The following CADM2 variants were observed in gnomAD, a reference collection of about 807,000 sequenced individuals.
CADM2 encodes the protein immunoglobulin superfamily member 4D.
A neutral mutation model predicts 49.8 loss-of-function variants in CADM2; 12 were observed. That is an observed-to-expected ratio of 0.24 (90% CI 0.15 to 0.39). The LOEUF (loss-of-function observed/expected upper bound fraction) is 0.39, where lower values mean the gene tolerates loss of function less well. Ranked by LOEUF, CADM2 falls within the 10% of genes least tolerant of loss-of-function variation. CADM2 has a pLI of 1.00. For synonymous variants in CADM2, 214 were observed against 175.4 expected (o/e 1.22, Z -1.74); for missense variants, 378 against 492.3 (o/e 0.77, Z 2.20).
At chr3:85,749,197 CAAG>C (rs2068756085) in intron 2 of CADM2, among the ~76,000 whole-genome samples, 1 of 151,596 alleles carries the variant, frequency 6.6e-6, no homozygotes, top group Non-Finnish European at 1.5e-5. Flanking sequence ...CAAACAATGG[CAAG>C]AACAACAACA....
chr3:85,487,774 G>A (rs1465957027), intron 1 of CADM2, among the ~76,000 whole-genome samples: 5 of 151,478 alleles, frequency 3.3e-5, no homozygotes, highest in East Asian at 1.9e-4. Context: ...GTGTGCGTGC[G>A]TGTGTGTGTG....
At chr3:85,537,486 A>G in intron 1 of CADM2, among the ~76,000 whole-genome samples, 1 of 61,810 alleles carries the variant, frequency 1.6e-5, no homozygotes, top group African/African-American at 3.9e-5. Context: ...GTACGCATGC[A>G]TGGTTGTTTG....
intron 1 of CADM2, among the ~76,000 whole-genome samples, chr3:85,371,075 A>T (rs890285490): frequency 6.6e-6 from 1 of 152,182 alleles, no homozygotes; most frequent in African/African-American, 2.4e-5. Context: ...AGTCAAAAAA[A>T]TTCTAAAAGC....
chr3:85,728,279 A>G (rs2067787308), intron 2 of CADM2, among the ~76,000 whole-genome samples: 1 of 152,162 alleles, frequency 6.6e-6, no homozygotes, highest in Non-Finnish European at 1.5e-5. Flanking sequence ...TTCCACACTT[A>G]GCCATTTTAT....
chr3:85,418,943 A>G (rs2036034270), intron 1 of CADM2, among the ~76,000 whole-genome samples: 1 of 148,368 alleles, frequency 6.7e-6, no homozygotes, highest in Non-Finnish European at 1.5e-5. Context: ...CTAATTTTTA[A>G]AGCTTGTTTG....
intron 1 of CADM2, among the ~76,000 whole-genome samples, chr3:85,281,469 T>C (rs922752140): frequency 6.6e-6 from 1 of 152,062 alleles, no homozygotes; most frequent in African/African-American, 2.4e-5. Flanking sequence ...TCAATTTTTT[T>C]AACAATGGAT....
chr3:85,645,509 G>C (rs559864577), intron 1 of CADM2, among the ~76,000 whole-genome samples: 1 of 151,844 alleles, frequency 6.6e-6, no homozygotes, highest in South Asian at 2.1e-4. Flanking sequence ...GCTTTTACTG[G>C]TCTTATTAGT....
At chr3:86,028,923 G>A (rs2107131434) in intron 8 of CADM2, among the ~76,000 whole-genome samples, 1 of 152,252 alleles carries the variant, frequency 6.6e-6, no homozygotes, top group Admixed American at 6.6e-5. Context: ...TGATTTTCAA[G>A]TGGGACATTA....
At chr3:85,563,087 A>G (rs2062145614) in intron 1 of CADM2, among the ~76,000 whole-genome samples, 1 of 152,164 alleles carries the variant, frequency 6.6e-6, no homozygotes, top group Non-Finnish European at 1.5e-5. Flanking sequence ...CTTAATTAGA[A>G]AATTATTAGA....
intron 1 of CADM2, among the ~76,000 whole-genome samples, chr3:85,125,691 C>T (rs904451325): frequency 1.3e-5 from 2 of 152,194 alleles, no homozygotes; most frequent in South Asian, 4.1e-4. Context: ...AGTTGCCTTA[C>T]TTAGACAATT....
intron 1 of CADM2, among the ~76,000 whole-genome samples, chr3:85,692,065 T>C (rs1282793030): frequency 6.6e-6 from 1 of 152,180 alleles, no homozygotes; most frequent in Non-Finnish European, 1.5e-5. Flanking sequence ...ACATGGCACA[T>C]GTATACATAT....
intron 1 of CADM2, among the ~76,000 whole-genome samples, chr3:85,224,530 A>G (rs2107798577): frequency 6.6e-6 from 1 of 152,300 alleles, no homozygotes; most frequent in East Asian, 1.9e-4. Flanking sequence ...GATTGCAAAC[A>G]TGTTCTCCCA....
chr3:85,161,942 G>A (rs2040339055), intron 1 of CADM2, among the ~76,000 whole-genome samples: 1 of 152,050 alleles, frequency 6.6e-6, no homozygotes, highest in Non-Finnish European at 1.5e-5. Flanking sequence ...CAGGGATGGG[G>A]AGGTTGCAGT....
intron 1 of CADM2, among the ~76,000 whole-genome samples, chr3:85,634,301 G>T (rs1391657309): frequency 6.6e-6 from 1 of 151,946 alleles, no homozygotes; most frequent in Non-Finnish European, 1.5e-5. Flanking sequence ...GAATTTCAAG[G>T]TTTTCTTGCT....
At chr3:85,690,821 T>C (rs2066360193) in intron 1 of CADM2, among the ~76,000 whole-genome samples, 1 of 152,218 alleles carries the variant, frequency 6.6e-6, no homozygotes, top group Non-Finnish European at 1.5e-5. Context: ...ATATTTATGG[T>C]ACAGTGCGAT....
chr3:85,720,521 G>A (rs1448608), intron 1 of CADM2, among the ~76,000 whole-genome samples: 26,931 of 152,148 alleles, frequency 0.18, 2,978 homozygotes, highest in Non-Finnish European at 0.24. Flanking sequence ...TCCATAGCAA[G>A]TGTTTCTTTC....
chr3:85,004,040 G>T (rs919726845), intron 1 of CADM2, among the ~76,000 whole-genome samples: 1 of 152,102 alleles, frequency 6.6e-6, no homozygotes, highest in Non-Finnish European at 1.5e-5. Flanking sequence ...AACTTTTTAA[G>T]AGGCTGTTGA....
At chr3:85,687,739 C>A (rs117870008) in intron 1 of CADM2, among the ~76,000 whole-genome samples, 5 of 152,216 alleles carry the variant, frequency 3.3e-5, no homozygotes, top group South Asian at 2.1e-4. Flanking sequence ...TGTCTATAGT[C>A]CTCCTACTAT....
chr3:85,541,748 ATATATT>A (rs2061547156), intron 1 of CADM2, among the ~76,000 whole-genome samples: 1 of 26,960 alleles, frequency 3.7e-5, no homozygotes, highest in Non-Finnish European at 1.2e-4. Context: ...TATATATTTT[ATATATT>A]TTATATATAT....
Sources: gnomAD v4.1 joint callset for allele counts (sites outside exome capture counted in the v4.1 genomes callset) on GRCh38, gnomAD v4.1.1 for gene constraint, MANE v1.5 for transcripts, NCBI Gene and HGNC (gene_info 2026-07-23, HGNC 2026-07-21) for gene names.